Variants in EFCAB5 observed in about 807,000 individuals in gnomAD.
EFCAB5 encodes the protein EF-hand calcium-binding domain-containing protein 5.
In EFCAB5, 131 loss-of-function variants were observed where a neutral mutation model predicts 167.9. That is an observed-to-expected ratio of 0.78 (90% CI 0.68 to 0.90). EFCAB5 has a LOEUF of 0.90. Among genes scored for constraint, EFCAB5 ranks in the 40% least tolerant of loss-of-function variants. EFCAB5 has a pLI of 0.00. For missense variants in EFCAB5, 1,663 were observed against 1,745.2 expected (o/e 0.95, Z 0.84); for synonymous variants, 574 against 602.8 (o/e 0.95, Z 0.70).
At chr17:30,097,299 GC>G (rs2071317101) in intron 22 of EFCAB5, among the ~76,000 whole-genome samples, 1 of 150,182 alleles carries the variant, frequency 6.7e-6, no homozygotes, top group Non-Finnish European at 1.5e-5. Flanking sequence ...CAGATGATCC[GC>G]CCCCTCGGCC....
intron 7 of EFCAB5, among the ~76,000 whole-genome samples, chr17:30,010,198 G>T (rs1031920427): frequency 2.0e-5 from 3 of 152,220 alleles, no homozygotes; most frequent in Admixed American, 6.5e-5. Context: ...TCTTAATCCA[G>T]TCTATCATTG....
At chr17:29,968,431 A>G (rs1023885007) in intron 3 of EFCAB5, 1 of 406,746 alleles carries the variant, frequency 2.5e-6, no homozygotes, top group Non-Finnish European at 4.8e-6. Flanking sequence ...AATAAAACAG[A>G]GCCTCAAGAG....
At chr17:30,075,293 A>G (rs1021446058) in intron 14 of EFCAB5, among the ~76,000 whole-genome samples, 3 of 152,078 alleles carry the variant, frequency 2.0e-5, no homozygotes, top group African/African-American at 7.2e-5. Flanking sequence ...CCACATGGCT[A>G]TCCTCCTTAC....
At position 30,096,675 on chromosome 17, in the gene EFCAB5, ATATTTTTTT is replaced by A. The variant is rs1438020212; in HGVS notation, c.4321+3741_4321+3749del. On this transcript the variant is annotated intron_variant, in intron 22 of 22. Coordinates refer to ENST00000394835, the MANE Select transcript of EFCAB5 (RefSeq NM_198529.4). ...AGCATATATATATATATATATATAT[ATATTTTTTT>A]TTTTTTTTTTTTTGAGATGGAGTCT... Among the ~76,000 whole-genome samples the A allele has an allele frequency of 7.0e-5, 5 of 71,854 alleles. No homozygotes were observed. In the East Asian group the frequency reaches 1.8e-3, roughly 26 times the overall value. 47.1% of individuals were successfully genotyped at this position (71,854 alleles called of 152,430 possible). A position where few individuals can be genotyped will look rare whatever the true frequency, so the allele number is the denominator to read the frequency against.
intron 1 of EFCAB5, among the ~76,000 whole-genome samples, chr17:29,931,384 C>G (rs1296650805): frequency 6.6e-6 from 1 of 152,134 alleles, no homozygotes; most frequent in African/African-American, 2.4e-5. Flanking sequence ...CCACAAGAGT[C>G]CTCTGTGCTG....
chr17:30,067,888 G>C (rs1412016715), intron 14 of EFCAB5, among the ~76,000 whole-genome samples: 2 of 152,194 alleles, frequency 1.3e-5, no homozygotes, highest in Non-Finnish European at 2.9e-5. Flanking sequence ...AAAAGAGAAA[G>C]TCAAATTGTC....
chr17:30,002,121 A>G (rs1011471282), intron 7 of EFCAB5, among the ~76,000 whole-genome samples: 6 of 152,006 alleles, frequency 3.9e-5, no homozygotes, highest in African/African-American at 1.4e-4. Flanking sequence ...TACTTTTTTC[A>G]CTTAATATCA....
chr17:29,986,935 C>A (rs2068299892), intron 4 of EFCAB5, among the ~76,000 whole-genome samples: 1 of 152,166 alleles, frequency 6.6e-6, no homozygotes, highest in Non-Finnish European at 1.5e-5. Context: ...GCGTGAGCCA[C>A]CGCGCCCGGC....
intron 1 of EFCAB5, 87 bp from the exon 2 acceptor site, chr17:29,942,153 T>A: frequency 8.5e-7 from 1 of 1,174,584 alleles, no homozygotes. Flanking sequence ...TTTTAAAAAT[T>A]AAAAGCTTAC....
At chr17:30,069,061 G>A (rs1389899033) in intron 14 of EFCAB5, 8 of 1,410,890 alleles carry the variant, frequency 5.7e-6, no homozygotes, top group Admixed American at 3.4e-5. Flanking sequence ...CTTAAAAAAA[G>A]TGTGTAAACT....
At chr17:30,076,583 G>A (rs965485829) in intron 14 of EFCAB5, among the ~76,000 whole-genome samples, 2 of 152,248 alleles carry the variant, frequency 1.3e-5, no homozygotes, top group Non-Finnish European at 2.9e-5. Context: ...AATAAATGGT[G>A]TAGAATAGAT....
intron 4 of EFCAB5, among the ~76,000 whole-genome samples, chr17:29,971,131 A>G (rs115793909): frequency 0.034 from 5,185 of 151,904 alleles, 132 homozygotes; most frequent in Middle Eastern, 0.061. Flanking sequence ...ATTCATTACT[A>G]GTTATTTTTA....
chr17:29,953,330 A>G (rs1291205691), intron 3 of EFCAB5, among the ~76,000 whole-genome samples: 1 of 152,228 alleles, frequency 6.6e-6, no homozygotes, highest in Non-Finnish European at 1.5e-5. Flanking sequence ...AAGTGATATG[A>G]TTTGACTGTG....
intron 8 of EFCAB5, among the ~76,000 whole-genome samples, chr17:30,035,287 G>T (rs559706419): frequency 6.6e-6 from 1 of 152,278 alleles, no homozygotes; most frequent in Admixed American, 6.5e-5. Context: ...ACTATTCTCT[G>T]TTGGCCAATT....
At chr17:30,078,159 C>T in intron 14 of EFCAB5, 56 bp from the exon 15 acceptor site, 3 of 1,520,250 alleles carry the variant, frequency 2.0e-6, no homozygotes, top group Non-Finnish European at 2.6e-6. Context: ...TGAAAATCCC[C>T]CCCACCAATG....
At chr17:29,936,855 T>A (rs1310810181), upstream of EFCAB5, among the ~76,000 whole-genome samples, 1 of 152,232 alleles carries the variant, frequency 6.6e-6, no homozygotes, top group Non-Finnish European at 1.5e-5. Flanking sequence ...TAGACTATAT[T>A]ATGGCAGAGA....
In EFCAB5 at chr17:29,999,948, C is replaced by A; in HGVS notation, c.1016C>A (p.Pro339Gln). The change falls in exon 7 of 23, where the codon CCA becomes CAA. Residue 339 changes from proline to glutamine, a missense_variant. By Grantham distance (76) the Pro-to-Gln change is moderately conservative. Coordinates refer to ENST00000394835, the MANE Select transcript of EFCAB5 (RefSeq NM_198529.4). ...CTGGATATTACTGACTCAACAGAAC[C>A]AAGATTGAACAAAATGGAATTTACA... Reference protein sequence around the residue: ...KQLDITDSTEPRLNKMEFTEY... With the variant: ...KQLDITDSTEQRLNKMEFTEY... 1 of 1,580,104 alleles carries A rather than the reference C, an allele frequency of 6.3e-7. No individual in the cohort carries two copies. Among genetic ancestry groups the A allele is most frequent in the East Asian group, 2.3e-5 (1 of 43,658 alleles).
intron 4 of EFCAB5, among the ~76,000 whole-genome samples, chr17:29,986,960 T>C (rs192221390): frequency 5.3e-5 from 8 of 152,246 alleles, no homozygotes; most frequent in Non-Finnish European, 2.9e-5. Flanking sequence ...TATATTCATT[T>C]TGATAAATAC....
chr17:30,102,721 A>T (rs531789161), intron 22 of EFCAB5, among the ~76,000 whole-genome samples: 34 of 152,242 alleles, frequency 2.2e-4, no homozygotes, highest in African/African-American at 6.7e-4. Context: ...AAGATTTTTT[A>T]AAAAACTGTC....
Sources: gnomAD v4.1 joint callset for allele counts (sites outside exome capture counted in the v4.1 genomes callset) on GRCh38, gnomAD v4.1.1 for gene constraint, MANE v1.5 for transcripts, NCBI Gene and HGNC (gene_info 2026-07-23, HGNC 2026-07-21) for gene names.